Variants in ADGRL4 observed in about 807,000 individuals in gnomAD.
ADGRL4 encodes adhesion G protein-coupled receptor L4.
A neutral mutation model predicts 74.8 loss-of-function variants in ADGRL4; 90 were observed. The ratio of observed to expected loss-of-function variants is 1.20; its 90% CI spans 1.02 to 1.43. The LOEUF (loss-of-function observed/expected upper bound fraction) is 1.43, where lower values mean the gene tolerates loss of function less well. Ranked by LOEUF, ADGRL4 falls within the 40% of genes most tolerant of loss-of-function variation. ADGRL4 has a pLI of 0.00. For missense variants in ADGRL4, 881 were observed against 814.3 expected (o/e 1.08, Z -1.00); for synonymous variants, 311 against 279.2 (o/e 1.11, Z -1.14).
In ADGRL4 at chr1:79,006,659, G is replaced by T; in HGVS notation, c.-5C>A. On this transcript the variant is annotated 5_prime_UTR_variant, in exon 1 of 15. Transcript: ENST00000370742. ...TAGGAGCGGGAGGCGTTTCATTGGC[G>T]GTGGCCGCAGTGGTGGCGGTGGCGG... 1 of 1,502,454 alleles carries T rather than the reference G, an allele frequency of 6.7e-7. No homozygotes were observed. Among genetic ancestry groups the T allele is most frequent in the South Asian group, 1.3e-5 (1 of 78,360 alleles). 93.1% of individuals were successfully genotyped at this position (1,502,454 alleles called of 1,614,324 possible). A position where few individuals can be genotyped will look rare whatever the true frequency, so the allele number is the denominator to read the frequency against.
rs113130437 is a variant in ADGRL4, at chr1:78,916,623, A to G, written c.1749+1011T>C. ...GAATGCCCTTGATTTCACCCACACC[A>G]TTGCAAAATAAAGCTTGATGAAAAT... is the stretch of plus-strand genomic sequence containing the variant. On this transcript the variant is annotated intron_variant, in intron 12 of 14. Transcript: ENST00000370742. 1.4e-4 allele frequency among the ~76,000 whole-genome samples: 22 copies of G among 151,990 alleles called. 1 individual carries two copies. The highest frequency in any genetic ancestry group is 5.3e-4 in the African/African-American group (22 of 41,526).
At chr1:78,927,592 CAT>C (rs1557500577) in intron 7 of ADGRL4, among the ~76,000 whole-genome samples, 1 of 152,042 alleles carries the variant, frequency 6.6e-6, no homozygotes, top group African/African-American at 2.4e-5. Context: ...ATATTGATAA[CAT>C]GTAATTATGC....
chr1:78,963,294 T>A (rs191818223), intron 2 of ADGRL4, among the ~76,000 whole-genome samples: 18 of 152,304 alleles, frequency 1.2e-4, no homozygotes, highest in Admixed American at 1.0e-3. Context: ...TATGCATGTA[T>A]AATAGGTAAT....
At position 78,955,651 on chromosome 1, in the gene ADGRL4, T is replaced by C. The variant is rs192710373; in HGVS notation, c.173-9225A>G. 1.1e-3 allele frequency among the ~76,000 whole-genome samples: 169 copies of C among 152,126 alleles called. 5 individuals are homozygous for C. The East Asian group carries it at 0.029, about 26-fold the overall frequency. On this transcript the variant is annotated intron_variant, in intron 2 of 14. Coordinates refer to ENST00000370742, the MANE Select transcript of ADGRL4 (RefSeq NM_022159.4). ...TAATTATTTTCCTAAAATGAGTAAG[T>C]TTTTTCATCATTATTTTTGCGTAAT...
chr1:78,993,572 ATT>A (rs201803350), intron 2 of ADGRL4, among the ~76,000 whole-genome samples: 19 of 84,078 alleles, frequency 2.3e-4, no homozygotes, highest in South Asian at 8.2e-4. Context: ...CAAAAATTCC[ATT>A]TTTTTTTTTT....
chr1:78,998,529 C>T (rs1650769289), intron 2 of ADGRL4, among the ~76,000 whole-genome samples: 1 of 151,904 alleles, frequency 6.6e-6, no homozygotes, highest in Non-Finnish European at 1.5e-5. Flanking sequence ...GCCACCATGT[C>T]CAGCTAATTT....
chr1:79,000,059 C>G (rs889415543), intron 2 of ADGRL4, among the ~76,000 whole-genome samples: 4 of 152,010 alleles, frequency 2.6e-5, no homozygotes, highest in Admixed American at 1.3e-4. Context: ...AAAATTAGAA[C>G]CCAGAAGCTG....
At chr1:78,924,661 G>A (rs372835121) in intron 8 of ADGRL4, among the ~76,000 whole-genome samples, 30 of 152,144 alleles carry the variant, frequency 2.0e-4, no homozygotes, top group African/African-American at 7.2e-4. Flanking sequence ...AAAGATTTTG[G>A]AGACAAATTA....
chr1:78,942,434 C>A (rs565128853), intron 3 of ADGRL4, among the ~76,000 whole-genome samples: 47 of 152,074 alleles, frequency 3.1e-4, no homozygotes, highest in African/African-American at 1.1e-3. Flanking sequence ...TTGGTAATCT[C>A]CAAATCTATT....
chr1:78,953,368 T>C (rs945768059), intron 2 of ADGRL4, among the ~76,000 whole-genome samples: 3 of 152,110 alleles, frequency 2.0e-5, no homozygotes, highest in East Asian at 3.9e-4. Flanking sequence ...GCATATTCAA[T>C]GGGGAAAATT....
chr1:78,914,267 A>G (rs552652469), intron 12 of ADGRL4, among the ~76,000 whole-genome samples: 1 of 152,028 alleles, frequency 6.6e-6, no homozygotes, highest in South Asian at 2.1e-4. Context: ...TCCACATCTT[A>G]CCAGTATGAC....
At chr1:78,919,473 G>C (rs754491540) in intron 10 of ADGRL4, among the ~76,000 whole-genome samples, 2 of 151,888 alleles carry the variant, frequency 1.3e-5, no homozygotes, top group African/African-American at 2.4e-5. Context: ...GGACTTCCGA[G>C]AGGACTCCTT....
At chr1:78,918,431 C>T (rs970626584) in intron 10 of ADGRL4, among the ~76,000 whole-genome samples, 12 of 151,758 alleles carry the variant, frequency 7.9e-5, no homozygotes, top group Admixed American at 2.6e-4. Context: ...TTATTTTATT[C>T]ATGCTCAAAG....
At chr1:78,985,698 C>T (rs1186244817) in intron 2 of ADGRL4, among the ~76,000 whole-genome samples, 1 of 151,658 alleles carries the variant, frequency 6.6e-6, no homozygotes, top group African/African-American at 2.4e-5. Flanking sequence ...ATATATAAGA[C>T]ATGTGAAAGA....
At chr1:78,933,750 A>G (rs1235385553) in intron 7 of ADGRL4, among the ~76,000 whole-genome samples, 1 of 146,922 alleles carries the variant, frequency 6.8e-6, no homozygotes, top group Non-Finnish European at 1.5e-5. Flanking sequence ...TACAAAATCA[A>G]TGTGCAAAAA....
chr1:78,989,872 T>C (rs1650570541), intron 2 of ADGRL4, among the ~76,000 whole-genome samples: 1 of 151,996 alleles, frequency 6.6e-6, no homozygotes, highest in Non-Finnish European at 1.5e-5. Flanking sequence ...ATTTTGTTGC[T>C]GATAAAACTA....
At chr1:78,994,612 G>A (rs1052120091) in intron 2 of ADGRL4, among the ~76,000 whole-genome samples, 38 of 152,254 alleles carry the variant, frequency 2.5e-4, no homozygotes, top group Admixed American at 1.4e-3. Flanking sequence ...TCATTACTAG[G>A]ATTAATTACT....
At chr1:78,927,179 A>G in intron 7 of ADGRL4, 88 bp from the exon 8 acceptor site, 1 of 857,948 alleles carries the variant, frequency 1.2e-6, no homozygotes, top group South Asian at 1.7e-5. Context: ...TTGAATAGAC[A>G]AACATTTTAC....
chr1:78,960,110 T>G (rs892870032), intron 2 of ADGRL4, among the ~76,000 whole-genome samples: 4 of 152,192 alleles, frequency 2.6e-5, no homozygotes, highest in African/African-American at 7.2e-5. Context: ...CATTGCTTAT[T>G]GATGAGTTAA....
Sources: allele counts gnomAD v4.1 joint callset (sites outside exome capture counted in the v4.1 genomes callset), GRCh38; gene constraint gnomAD v4.1.1; transcripts MANE v1.5; gene names NCBI Gene and HGNC (gene_info 2026-07-23, HGNC 2026-07-21).